Variants in GALNT5 observed in about 807,000 individuals in gnomAD.
The protein encoded by GALNT5 is polypeptide N-acetylgalactosaminyltransferase 5.
Under a neutral mutation model 85.4 loss-of-function variants are expected in GALNT5, and 72 were observed. That is an observed-to-expected ratio of 0.84 (90% CI 0.70 to 1.03). The LOEUF (loss-of-function observed/expected upper bound fraction) is 1.03, where lower values mean the gene tolerates loss of function less well. GALNT5 is among the 50% of genes least tolerant of loss of function. The pLI, the probability that GALNT5 is intolerant of heterozygous loss-of-function variation, is 0.00. For missense variants in GALNT5, 1,137 were observed against 1,135.5 expected (o/e 1.00, Z -0.02); for synonymous variants, 404 against 397.0 (o/e 1.02, Z -0.21).
intron 3 of GALNT5, 124 bp from the exon 4 acceptor site, chr2:157,295,539 A>G: frequency 1.4e-6 from 1 of 714,404 alleles, no homozygotes; most frequent in South Asian, 2.3e-5. Context: ...ATTCAGAAAA[A>G]AAAAAAAAGG....
intron 1 of GALNT5, among the ~76,000 whole-genome samples, chr2:157,276,220 TG>T (rs1682721608): frequency 6.6e-6 from 1 of 152,220 alleles, no homozygotes; most frequent in African/African-American, 2.4e-5. Flanking sequence ...GGATTCAATT[TG>T]CCAGTATTTT....
intron 1 of GALNT5, among the ~76,000 whole-genome samples, chr2:157,270,362 G>A (rs1159654040): frequency 1.3e-5 from 2 of 152,064 alleles, no homozygotes; most frequent in Non-Finnish European, 2.9e-5. Context: ...AGTGCTCACT[G>A]CCCCTCTGAA....
intron 6 of GALNT5, among the ~76,000 whole-genome samples, chr2:157,300,238 T>C (rs554305193): frequency 7.9e-5 from 12 of 152,300 alleles, no homozygotes; most frequent in East Asian, 1.9e-4. Context: ...TCTGTATGTA[T>C]GTAAAAGGGT....
intron 5 of GALNT5, among the ~76,000 whole-genome samples, chr2:157,298,335 T>A (rs1683260435): frequency 6.6e-6 from 1 of 152,074 alleles, no homozygotes; most frequent in Admixed American, 6.5e-5. Context: ...AAAACCCCAT[T>A]TCCCCACACC....
intron 3 of GALNT5, among the ~76,000 whole-genome samples, chr2:157,295,177 A>G (rs753942224): frequency 6.6e-6 from 1 of 152,108 alleles, no homozygotes; most frequent in African/African-American, 2.4e-5. Flanking sequence ...TGTCTCCTAT[A>G]ACTCTTTTCA....
At chr2:157,267,315 G>A (rs143454039) in intron 1 of GALNT5, among the ~76,000 whole-genome samples, 232 of 152,240 alleles carry the variant, frequency 1.5e-3, no homozygotes, top group African/African-American at 5.3e-3. Context: ...GGACCTTCAG[G>A]TTCTTCCAAG....
Position 157,313,607 on chromosome 2 carries a change from C to T in GALNT5, c.*2259C>T, listed in dbSNP as rs909036197. ...AAAATGTTGAGAGGTTTTTTTCCCC[C>T]GGGTATATAGGCTCTCTTTTTATCC... On this transcript the variant is annotated 3_prime_UTR_variant, in exon 10 of 10. Coordinates refer to ENST00000259056, the MANE Select transcript of GALNT5 (RefSeq NM_014568.3). 10 of 151,966 alleles carry T rather than the reference C, an allele frequency of 6.6e-5. No homozygotes were observed. The highest frequency in any genetic ancestry group is 1.7e-4 in the African/African-American group (7 of 41,366). The allele number at this position is 151,966 out of a possible 1,614,324, so 9.4% of individuals were successfully genotyped here. A position where few individuals can be genotyped will look rare whatever the true frequency, so the allele number is the denominator to read the frequency against.
chr2:157,295,927 AT>A (rs1178964883), intron 4 of GALNT5, 129 bp downstream of exon 4: 1 of 658,942 alleles, frequency 1.5e-6, no homozygotes, highest in Admixed American at 2.8e-5. Flanking sequence ...ATCTACTTAA[AT>A]AAATGGAAAA....
intron 3 of GALNT5, among the ~76,000 whole-genome samples, chr2:157,286,963 G>A (rs1269208372): frequency 1.4e-5 from 2 of 146,416 alleles, no homozygotes; most frequent in African/African-American, 5.1e-5. Context: ...CATTTGTTTG[G>A]TACCAGTGAC....
chr2:157,267,858 A>G (rs1306690240), intron 1 of GALNT5, among the ~76,000 whole-genome samples: 6 of 152,232 alleles, frequency 3.9e-5, no homozygotes, highest in African/African-American at 1.2e-4. Flanking sequence ...TGTCATGGAT[A>G]GTCTACCCTA....
chr2:157,258,003 T>TGCTGCTGCC lies in GALNT5; in HGVS notation c.-72_-71insCGCTGCTGC. 6.7e-7 allele frequency: 1 copy of TGCTGCTGCC among 1,493,358 alleles called. No homozygotes were observed. The highest frequency in any genetic ancestry group is 9.2e-7 in the Non-Finnish European group (1 of 1,083,404). 92.5% of individuals were successfully genotyped at this position (1,493,358 alleles called of 1,614,324 possible). A position where few individuals can be genotyped will look rare whatever the true frequency, so the allele number is the denominator to read the frequency against. ...CTGGCAACTCTGCTGCTGCTGCTGCTGCTGCTGCTACTTCAGCTTCCTCTC... is the reference window on the plus strand; with the variant it reads ...CTGGCAACTCTGCTGCTGCTGCTGCTGCTGCTGCCGCTGCTGCTACTTCAGCTTCCTCTC... On this transcript the variant is annotated 5_prime_UTR_variant, in exon 1 of 10. Coordinates refer to ENST00000259056, the MANE Select transcript of GALNT5 (RefSeq NM_014568.3).
rs1682265321 is a variant in GALNT5 at position 157,258,849 on chromosome 2, A to G, written c.767A>G (p.Asn256Ser). ...VPKSGEAMAL[N>S]KTKTQSKEVN... Reference sequence around the variant, plus strand: ...AAGTCTGGGGAAGCCATGGCCTTAAACAAAACTAAGACTCAGAGCAAAGAA... The same window carrying G: ...AAGTCTGGGGAAGCCATGGCCTTAAGCAAAACTAAGACTCAGAGCAAAGAA... Residue 256 changes from asparagine (N) to serine (S), a missense_variant, in exon 1 of 10, where the codon AAC becomes AGC. Transcript: ENST00000259056. 1.9e-6 allele frequency: 3 copies of G among 1,578,092 alleles called. No homozygotes were observed. The highest frequency in any genetic ancestry group is 2.6e-6 in the Non-Finnish European group (3 of 1,162,002).
intron 1 of GALNT5, among the ~76,000 whole-genome samples, chr2:157,274,479 T>C (rs1682673540): frequency 6.6e-6 from 1 of 152,200 alleles, no homozygotes; most frequent in African/African-American, 2.4e-5. Context: ...CTCCACATCC[T>C]CTCCAGCATC....
Position 157,259,373 on chromosome 2 carries a change from T to A in GALNT5, c.1291T>A (p.Ser431Thr). The stretch of plus-strand genomic sequence containing the variant: ...GGTGTTAAGAATTGATGTGACACTT[T>A]CTCCAAGGGACCCCAAAGCTCCAGG... ...HQVLRIDVTLSPRDPKAPGQF... is the reference protein window; with the variant it reads ...HQVLRIDVTLTPRDPKAPGQF... The change falls in exon 1 of 10, where the codon TCT (serine) becomes ACT (threonine). Residue 431 changes from serine to threonine, a missense_variant. Coordinates refer to ENST00000259056, the MANE Select transcript of GALNT5 (RefSeq NM_014568.3). 1 of 1,505,012 alleles carries A rather than the reference T, an allele frequency of 6.6e-7. No individual in the cohort carries two copies. The highest frequency in any genetic ancestry group is 8.9e-7 in the Non-Finnish European group (1 of 1,123,516). The allele number at this position is 1,505,012 out of a possible 1,614,324, so 93.2% of individuals were successfully genotyped here.
intron 1 of GALNT5, among the ~76,000 whole-genome samples, chr2:157,281,135 C>A (rs1002710264): frequency 3.9e-5 from 6 of 152,194 alleles, no homozygotes; most frequent in Admixed American, 2.0e-4. Context: ...CAGCTCACTG[C>A]ACACTACAAC....
Position 157,318,149 on chromosome 2 carries a change from A to T in GALNT5, c.*6801A>T, listed in dbSNP as rs528230579. On this transcript the variant is annotated 3_prime_UTR_variant, in exon 10 of 10. Transcript: ENST00000259056. ...ACTCTGGTGCTTTATCCTTCTCCAT[A>T]ATTCTCTATTATTACTTATTTTAAA... Among the ~76,000 whole-genome samples, 79 of 152,214 alleles carry T rather than the reference A, an allele frequency of 5.2e-4. 4 individuals are homozygous for T. The East Asian group carries it at 0.014, about 28-fold the overall frequency.
chr2:157,310,817 T>A (rs1403528390), intron 9 of GALNT5, among the ~76,000 whole-genome samples: 2 of 152,208 alleles, frequency 1.3e-5, no homozygotes, highest in Non-Finnish European at 2.9e-5. Context: ...CAAAGACACC[T>A]ACTTTAAAAA....
chr2:157,277,590 C>G (rs1452825532), intron 1 of GALNT5, among the ~76,000 whole-genome samples: 1 of 152,122 alleles, frequency 6.6e-6, no homozygotes, highest in Non-Finnish European at 1.5e-5. Flanking sequence ...TTCTTTGTCT[C>G]TTTTGATCTT....
intron 1 of GALNT5, among the ~76,000 whole-genome samples, chr2:157,269,129 T>C (rs999925711): frequency 6.6e-6 from 1 of 152,210 alleles, no homozygotes; most frequent in African/African-American, 2.4e-5. Context: ...CCCTACCCTA[T>C]TACATTAGCA....
Sources: allele counts gnomAD v4.1 joint callset (sites outside exome capture counted in the v4.1 genomes callset), GRCh38; gene constraint gnomAD v4.1.1; transcripts MANE v1.5; gene names NCBI Gene and HGNC (gene_info 2026-07-23, HGNC 2026-07-21).